Variants in PC observed in about 807,000 individuals in gnomAD.
PC encodes the protein pyruvate carboxylase.
In PC, 46 loss-of-function variants were observed where a neutral mutation model predicts 107.8. The ratio of observed to expected loss-of-function variants is 0.43; its 90% CI spans 0.34 to 0.55. The LOEUF is 0.55. PC is among the 20% of genes least tolerant of loss of function. The pLI, the probability that PC is intolerant of heterozygous loss-of-function variation, is 0.04. For missense variants in PC, 1,241 were observed against 1,643.1 expected (o/e 0.76, Z 4.23); for synonymous variants, 662 against 684.7 (o/e 0.97, Z 0.52).
intron 3 of PC, among the ~76,000 whole-genome samples, chr11:66,922,612 T>C (rs891526997): frequency 1.5e-5 from 2 of 135,644 alleles, no homozygotes; most frequent in Non-Finnish European, 3.1e-5. Context: ...CAGAGGTGCA[T>C]CCACAACTCC....
At position 66,947,701 on chromosome 11, in the gene PC, G is replaced by A. The variant is rs578233257; in HGVS notation, c.-1+4729C>T. Among the ~76,000 whole-genome samples, 19 of 152,194 alleles carry A rather than the reference G, an allele frequency of 1.2e-4. No homozygotes were observed. The South Asian group carries it at 2.5e-3, about 20-fold the overall frequency. ...CTAAGGGCCAGGTGCGGTAGCTCAC[G>A]CAGGTAATCCCAACACTTTTCGAGG... On this transcript the variant is annotated intron_variant, in intron 3 of 22. Coordinates refer to ENST00000393960, the MANE Select transcript of PC (RefSeq NM_001040716.2).
intron 3 of PC, among the ~76,000 whole-genome samples, chr11:66,912,550 C>T (rs896047677): frequency 3.9e-5 from 6 of 152,170 alleles, no homozygotes; most frequent in African/African-American, 1.4e-4. Context: ...GACTGACAGC[C>T]GTAAAGGGTG....
chr11:66,879,345 C>T (rs1313231898), intron 3 of PC, among the ~76,000 whole-genome samples: 1 of 152,250 alleles, frequency 6.6e-6, no homozygotes, highest in Non-Finnish European at 1.5e-5. Context: ...GGCCCGAGGA[C>T]ACCACGTGCT....
In PC at chr11:66,858,961, A is replaced by C; in HGVS notation, c.1368+4813T>G. On this transcript the variant is annotated intron_variant, in intron 12 of 22. Transcript: ENST00000393960. The surrounding 1 kb of genome is among the most constrained non-coding windows in gnomAD (Gnocchi z 5.9). ...GAGGGTGAGGGGACGCTGGAGTCTG[A>C]GCCAGCCGTGCAGGTGACGGAGGTG... The C allele has an allele frequency of 1.9e-6, 3 of 1,576,108 alleles. No individual in the cohort carries two copies. The highest frequency in any genetic ancestry group is 2.6e-6 in the Non-Finnish European group (3 of 1,157,762).
chr11:66,922,553 T>TAAAAAAA (rs1198835228), intron 3 of PC, among the ~76,000 whole-genome samples: 3 of 84,360 alleles, frequency 3.6e-5, no homozygotes, highest in Non-Finnish European at 7.0e-5. Context: ...GACTTTGTCT[T>TAAAAAAA]AAAAAAAAAA....
chr11:66,948,467 C>T (rs1949358581), intron 3 of PC, among the ~76,000 whole-genome samples: 1 of 152,128 alleles, frequency 6.6e-6, no homozygotes. Context: ...GATGGTTTCA[C>T]AAGGGTACAC....
At chr11:66,954,900 G>A (rs1265142954) in intron 1 of PC, among the ~76,000 whole-genome samples, 5 of 151,694 alleles carry the variant, frequency 3.3e-5, no homozygotes, top group Admixed American at 6.6e-5. Context: ...CCAAGATGGT[G>A]CCACTGTACT....
chr11:66,859,934 C>G lies in PC; in HGVS notation c.1368+3840G>C, dbSNP rs750837729. On this transcript the variant is annotated intron_variant, in intron 12 of 22. Transcript: ENST00000393960. Reference sequence around the variant, plus strand: ...GCCGGGGGGCCGGAAATGGCCGCCTCCCCCTCAAGCTCAGCCACGTCCAGT... The same window carrying G: ...GCCGGGGGGCCGGAAATGGCCGCCTGCCCCTCAAGCTCAGCCACGTCCAGT... 7.5e-6 allele frequency: 12 copies of G among 1,590,478 alleles called. No individual in the cohort carries two copies. In the African/African-American group the frequency reaches 1.5e-4, roughly 20 times the overall value.
chr11:66,849,917 C>G lies in PC; in HGVS notation c.2898+20G>C, dbSNP rs144273133. On this transcript the variant is annotated intron_variant, in intron 20 of 22. Transcript: ENST00000393960. The stretch of plus-strand genomic sequence containing the variant: ...CCTGCATCCAGCCCCCACCCTCACA[C>G]CATGCTGGGCCTTCCCTACCTTAGA... 1 of 1,613,610 alleles carries G rather than the reference C, an allele frequency of 6.2e-7. No individual in the cohort carries two copies. Among genetic ancestry groups the G allele is most frequent in the East Asian group, 2.2e-5 (1 of 44,878 alleles).
chr11:66,937,511 A>C (rs1343588293), intron 3 of PC, among the ~76,000 whole-genome samples: 1 of 152,060 alleles, frequency 6.6e-6, no homozygotes, highest in Non-Finnish European at 1.5e-5. Flanking sequence ...ACTGTTTTTC[A>C]TCAGCTTGTG....
chr11:66,874,506 T>C (rs554667304), intron 3 of PC, among the ~76,000 whole-genome samples: 5 of 152,036 alleles, frequency 3.3e-5, no homozygotes, highest in African/African-American at 7.2e-5. Flanking sequence ...CTTAGTGCCA[T>C]ATTACAGCCA....
intron 3 of PC, among the ~76,000 whole-genome samples, chr11:66,936,651 G>A (rs1949009968): frequency 6.6e-6 from 1 of 152,146 alleles, no homozygotes; most frequent in South Asian, 2.1e-4. Context: ...CAGCCCTGAG[G>A]CAGGGAGAAC....
chr11:66,917,549 A>T (rs544845711), intron 3 of PC, among the ~76,000 whole-genome samples: 1 of 152,258 alleles, frequency 6.6e-6, no homozygotes, highest in South Asian at 2.1e-4. Flanking sequence ...TCCAAGGAAA[A>T]CTAGAACCAG....
intron 3 of PC, among the ~76,000 whole-genome samples, chr11:66,900,711 T>G (rs1947923021): frequency 6.6e-6 from 1 of 152,212 alleles, no homozygotes. Flanking sequence ...AGAGTATAAG[T>G]CTTGCACTTT....
At chr11:66,922,922 T>A (rs547130352) in intron 3 of PC, among the ~76,000 whole-genome samples, 9 of 152,050 alleles carry the variant, frequency 5.9e-5, no homozygotes, top group Non-Finnish European at 1.2e-4. Context: ...CCTAGAAAAA[T>A]GACTCTGAAG....
chr11:66,943,009 T>G (rs1368393779), intron 3 of PC, among the ~76,000 whole-genome samples: 1 of 141,980 alleles, frequency 7.0e-6, no homozygotes, highest in African/African-American at 2.6e-5. Flanking sequence ...AGAGCGAAAC[T>G]CCATCTCAAA....
chr11:66,931,384 GAAAAAA>G (rs60081578), intron 3 of PC, among the ~76,000 whole-genome samples: 12 of 84,954 alleles, frequency 1.4e-4, no homozygotes, highest in South Asian at 5.1e-4. Flanking sequence ...TCCATCTCAA[GAAAAAA>G]AAAAAAAAAA....
At position 66,871,091 on chromosome 11, in the gene PC, C is replaced by T. The variant is rs1301563731; in HGVS notation, c.594G>A (p.Gly198=). 1 of 1,614,026 alleles carries T rather than the reference C, an allele frequency of 6.2e-7. No individual in the cohort carries two copies. The highest frequency in any genetic ancestry group is 1.7e-5 in the Admixed American group (1 of 59,998). ...GFPIIFKAAY[G]GGGRGMRVVH... ...CCACCCTCATGCCACGCCCTCCACC[C>T]CCATAGGCCGCCTTGAAGATGATGG... Residue 198 remains glycine (G), a synonymous_variant, in exon 7 of 23, where the codon GGG becomes GGA. Coordinates refer to ENST00000393960, the MANE Select transcript of PC (RefSeq NM_001040716.2). The surrounding 1 kb of genome is among the most constrained non-coding windows in gnomAD (Gnocchi z 7.4).
intron 3 of PC, among the ~76,000 whole-genome samples, chr11:66,914,310 G>A (rs1351991678): frequency 6.6e-6 from 1 of 152,086 alleles, no homozygotes; most frequent in African/African-American, 2.4e-5. Context: ...TCAGGAGTTC[G>A]AGACCAGCCT....
Sources: allele counts gnomAD v4.1 joint callset (sites outside exome capture counted in the v4.1 genomes callset), GRCh38; gene constraint gnomAD v4.1.1; non-coding constraint Gnocchi (gnomAD v3.1); transcripts MANE v1.5; gene names NCBI Gene and HGNC (gene_info 2026-07-23, HGNC 2026-07-21).